SLIT2: variants seen among roughly 807,000 people sequenced by gnomAD.
SLIT2 encodes the protein slit guidance ligand 2.
Under a neutral mutation model 185.7 loss-of-function variants are expected in SLIT2, and 41 were observed. The observed-to-expected ratio is 0.22, with a 90% confidence interval of 0.17 to 0.29. The LOEUF is 0.29. Ranked by LOEUF, SLIT2 falls within the 10% of genes least tolerant of loss-of-function variation. The pLI is 1.00. For synonymous variants in SLIT2, 693 were observed against 680.2 expected, an observed-to-expected ratio of 1.02 and a Z score of -0.29; for missense variants, 1,571 against 1,909.0, an observed-to-expected ratio of 0.82 and a Z score of 3.30.
chr4:20,371,420 C>T (rs904344769), intron 4 of SLIT2, among the ~76,000 whole-genome samples: 1 of 152,038 alleles, frequency 6.6e-6, no homozygotes, highest in African/African-American at 2.4e-5. Flanking sequence ...TCATGTTTCT[C>T]CAATAGAAGC....
In SLIT2 at chr4:20,546,036, T is replaced by C. The variant is rs1226285469; in HGVS notation, c.2282T>C (p.Leu761Pro). The change falls in exon 22 of 37, where the codon CTG (leucine) becomes CCG (proline). Residue 761 changes from leucine to proline, a missense_variant. Around this residue, in one of 3 missense-constraint regions of SLIT2, gnomAD observed 1,202 missense variants for 1,416.4 expected, o/e 0.85. Coordinates refer to ENST00000504154, the MANE Select transcript of SLIT2 (RefSeq NM_004787.4). ...TATTGTTCCATTGTTTTTAGGTATCTGGATGGAAACCAATTTACACTGGTT... is the reference window on the plus strand; with the variant it reads ...TATTGTTCCATTGTTTTTAGGTATCCGGATGGAAACCAATTTACACTGGTT... ...GIPRDVTELY[L>P]DGNQFTLVPK... The C allele has an allele frequency of 1.9e-6, 3 of 1,558,206 alleles. No individual in the cohort carries two copies. Among genetic ancestry groups the C allele is most frequent in the Non-Finnish European group, 2.6e-6 (3 of 1,136,796 alleles).
intron 4 of SLIT2, among the ~76,000 whole-genome samples, chr4:20,291,488 ATATATTTTTTTTTTTTTTTT>A (rs1715910688): frequency 9.7e-5 from 1 of 10,274 alleles, no homozygotes; most frequent in South Asian, 5.2e-3. Context: ...ATATATATAT[ATATATTTTTTTTTTTTTTTT>A]TTTTTTTTTT....
At chr4:20,338,367 G>A (rs1180615908) in intron 4 of SLIT2, among the ~76,000 whole-genome samples, 1 of 152,144 alleles carries the variant, frequency 6.6e-6, no homozygotes, top group African/African-American at 2.4e-5. Context: ...CATAATATTA[G>A]ATTGAATTAA....
At chr4:20,524,514 G>T (rs531072270) in intron 14 of SLIT2, among the ~76,000 whole-genome samples, 1 of 152,260 alleles carries the variant, frequency 6.6e-6, no homozygotes, top group African/African-American at 2.4e-5. Flanking sequence ...CATGTTTGTT[G>T]AATTGACCAG....
rs546785667 is a variant in SLIT2 at position 20,363,986 on chromosome 4, G to A, written c.395+95105G>A. 1.8e-4 allele frequency among the ~76,000 whole-genome samples: 27 copies of A among 152,216 alleles called. No homozygotes were observed. In the East Asian group the frequency reaches 4.1e-3, roughly 23 times the overall value. On this transcript the variant is annotated intron_variant, in intron 4 of 36. Transcript: ENST00000504154. ...CAATGTTTCTAAGTTTCTATTTTAAGTCAGCAATAGGAAAAGTTATTTTCT... is the reference window on the plus strand; with the variant it reads ...CAATGTTTCTAAGTTTCTATTTTAAATCAGCAATAGGAAAAGTTATTTTCT...
At chr4:20,611,659 A>G (rs760734088) in intron 34 of SLIT2, among the ~76,000 whole-genome samples, 17 of 152,210 alleles carry the variant, frequency 1.1e-4, no homozygotes, top group Non-Finnish European at 2.1e-4. Flanking sequence ...GGATGGGTGA[A>G]GCCAAGTCAC....
intron 5 of SLIT2, among the ~76,000 whole-genome samples, chr4:20,472,254 A>ATCTATATATC (rs1560452454): frequency 2.3e-4 from 4 of 17,448 alleles, no homozygotes; most frequent in African/African-American, 8.9e-4. Context: ...ATCTATATAT[A>ATCTATATATC]GATCTATATA....
intron 1 of SLIT2, among the ~76,000 whole-genome samples, chr4:20,255,492 C>G (rs1711717744): frequency 6.6e-6 from 1 of 152,082 alleles, no homozygotes; most frequent in Non-Finnish European, 1.5e-5. Context: ...TATCGAATAG[C>G]CCAACAATTT....
chr4:20,461,021 A>G (rs865876147), intron 4 of SLIT2, among the ~76,000 whole-genome samples: 5 of 152,228 alleles, frequency 3.3e-5, no homozygotes, highest in African/African-American at 9.6e-5. Flanking sequence ...TATATTTAAT[A>G]TGAGTTCATC....
chr4:20,537,824 G>T (rs1212450358), intron 18 of SLIT2, among the ~76,000 whole-genome samples: 1 of 151,946 alleles, frequency 6.6e-6, no homozygotes, highest in African/African-American at 2.4e-5. Flanking sequence ...ACCCTAATAG[G>T]CCACTTACTA....
At chr4:20,513,003 GTAAT>G (rs1719891176) in intron 11 of SLIT2, among the ~76,000 whole-genome samples, 2 of 152,162 alleles carry the variant, frequency 1.3e-5, no homozygotes, top group African/African-American at 2.4e-5. Flanking sequence ...CAGGGTTCCT[GTAAT>G]TAATGATTAT....
intron 30 of SLIT2, among the ~76,000 whole-genome samples, chr4:20,594,660 C>T (rs1222643597): frequency 1.3e-5 from 2 of 152,230 alleles, no homozygotes; most frequent in East Asian, 3.9e-4. Context: ...TAAAATCCTG[C>T]ATCCTTGGTA....
At chr4:20,578,570 T>C (rs1396435346) in intron 29 of SLIT2, among the ~76,000 whole-genome samples, 5 of 152,196 alleles carry the variant, frequency 3.3e-5, no homozygotes, top group Admixed American at 6.5e-5. Context: ...TCAGCTCCAG[T>C]ACCCTCGCCA....
chr4:20,470,799 C>T (rs1035123983), intron 5 of SLIT2, among the ~76,000 whole-genome samples: 2 of 152,104 alleles, frequency 1.3e-5, no homozygotes, highest in African/African-American at 4.8e-5. Context: ...TGGTGTTGAA[C>T]TCCTGACCTC....
chr4:20,394,256 C>G (rs1016889042), intron 4 of SLIT2, among the ~76,000 whole-genome samples: 1 of 151,634 alleles, frequency 6.6e-6, no homozygotes, highest in African/African-American at 2.4e-5. Flanking sequence ...GAAAATAAAG[C>G]CTTGAAAATT....
intron 30 of SLIT2, among the ~76,000 whole-genome samples, chr4:20,590,095 C>T (rs981047659): frequency 1.3e-5 from 2 of 151,698 alleles, no homozygotes; most frequent in African/African-American, 2.4e-5. Flanking sequence ...TTAGTAGAGA[C>T]GGGGTTTCAC....
chr4:20,415,229 G>A (rs1727558610), intron 4 of SLIT2, among the ~76,000 whole-genome samples: 2 of 152,198 alleles, frequency 1.3e-5, no homozygotes, highest in South Asian at 2.1e-4. Flanking sequence ...GGCTAACACG[G>A]TGAAACCCCG....
chr4:20,468,042 A>T (rs58299720), intron 5 of SLIT2, among the ~76,000 whole-genome samples: 29,067 of 152,036 alleles, frequency 0.19, 3,222 homozygotes, highest in Middle Eastern at 0.25. Flanking sequence ...CATTAAATTC[A>T]TTCTTTAATC....
rs556020168 is a variant in SLIT2 at position 20,602,854 on chromosome 4, GT to G, written c.3692+4469del. ...CCTACAAATCCAGGTTTTTGTTCTT[GT>G]TTTTTTTTTAACAGTACCAGTTGTT... is the stretch of plus-strand genomic sequence containing the variant. On this transcript the variant is annotated intron_variant, in intron 33 of 36. Transcript: ENST00000504154. Among the ~76,000 whole-genome samples, 432 of 147,548 alleles carry G rather than the reference GT, an allele frequency of 2.9e-3. 1 individual carries two copies. Among genetic ancestry groups the G allele is most frequent in the Non-Finnish European group, 5.4e-3 (362 of 66,486 alleles).
Sources: gnomAD v4.1 joint callset for allele counts (sites outside exome capture counted in the v4.1 genomes callset) on GRCh38, gnomAD v4.1.1 for gene constraint, gnomAD v4.1.1 regional missense constraint, MANE v1.5 for transcripts, NCBI Gene and HGNC (gene_info 2026-07-23, HGNC 2026-07-21) for gene names.